Variants in STRBP observed in about 807,000 individuals in gnomAD.
STRBP encodes spermatid perinuclear RNA-binding protein.
A neutral mutation model predicts 80.1 loss-of-function variants in STRBP; 13 were observed. The observed-to-expected ratio is 0.16, with a 90% confidence interval of 0.11 to 0.26. The LOEUF (loss-of-function observed/expected upper bound fraction) is 0.26, where lower values mean the gene tolerates loss of function less well. Ranked by LOEUF, STRBP falls within the 10% of genes least tolerant of loss-of-function variation. STRBP has a pLI of 1.00. For missense variants in STRBP, 485 were observed against 815.2 expected, an observed-to-expected ratio of 0.59 and a Z score of 4.93; for synonymous variants, 284 against 291.2, an observed-to-expected ratio of 0.98 and a Z score of 0.25.
rs936251406 is a variant in STRBP at position 123,110,559 on chromosome 9, T to C, written c.*85-806A>G. 5 of 169,492 alleles carry C rather than the reference T, an allele frequency of 2.9e-5. No homozygotes were observed. The highest frequency in any genetic ancestry group is 1.2e-4 in the African/African-American group (5 of 41,492). 10.5% of individuals were successfully genotyped at this position (169,492 alleles called of 1,614,324 possible). A position where few individuals can be genotyped will look rare whatever the true frequency, so the allele number is the denominator to read the frequency against. ...TTGGGGAAAACGGGATAAACACTGC[T>C]AGGAGCTAAAAAGTATATGGTGTCT... On this transcript the variant is annotated intron_variant and NMD_transcript_variant, in intron 3 of 3. Transcript: ENST00000471564. This position sits in a 1 kb window ranked among gnomAD's most constrained non-coding sequence, Gnocchi z 4.1.
intron 1 of STRBP, among the ~76,000 whole-genome samples, chr9:123,267,873 GCCC>G (rs145177909): frequency 2.0e-5 from 2 of 101,538 alleles, no homozygotes; most frequent in African/African-American, 7.6e-5. Context: ...ACAATATAGT[GCCC>G]CCCCCCACCG....
intron 2 of STRBP, among the ~76,000 whole-genome samples, chr9:123,226,391 A>G (rs2132567152): frequency 6.6e-6 from 1 of 152,344 alleles, no homozygotes. Context: ...TGACTTTTTT[A>G]TTATTAAAAG....
chr9:123,146,499 A>G (rs1414009364), intron 13 of STRBP, among the ~76,000 whole-genome samples: 2 of 151,282 alleles, frequency 1.3e-5, no homozygotes, highest in Non-Finnish European at 2.9e-5. Flanking sequence ...AAAAAAAATC[A>G]GAAGATAAAA....
chr9:123,167,841 G>C (rs1277282553), intron 6 of STRBP, among the ~76,000 whole-genome samples: 1 of 152,028 alleles, frequency 6.6e-6, no homozygotes, highest in Non-Finnish European at 1.5e-5. Flanking sequence ...ATAGTTTCTA[G>C]CAAGAGTACA....
At chr9:123,175,342 C>T (rs1167460294) in intron 4 of STRBP, among the ~76,000 whole-genome samples, 5 of 152,152 alleles carry the variant, frequency 3.3e-5, no homozygotes, top group Non-Finnish European at 5.9e-5. Context: ...GGGAAACAGT[C>T]ATTCTAGCTA....
intron 17 of STRBP, among the ~76,000 whole-genome samples, chr9:123,132,055 C>A (rs2132310401): frequency 6.6e-6 from 1 of 152,258 alleles, no homozygotes; most frequent in Non-Finnish European, 1.5e-5. Flanking sequence ...GCTGGATAAT[C>A]TACTGTTAAA....
chr9:123,211,385 G>A (rs7875920), intron 2 of STRBP, among the ~76,000 whole-genome samples: 16,657 of 152,146 alleles, frequency 0.11, 2,966 homozygotes, highest in African/African-American at 0.37. Context: ...AACAGAAAGA[G>A]GGTGAATACA....
chr9:123,250,856 A>AC (rs1588155370), intron 1 of STRBP, among the ~76,000 whole-genome samples: 2 of 152,204 alleles, frequency 1.3e-5, no homozygotes, highest in South Asian at 4.1e-4. Context: ...AGTGGCTCAC[A>AC]CCTATAATCC....
At chr9:123,199,091 C>G (rs1033137826) in intron 2 of STRBP, among the ~76,000 whole-genome samples, 1 of 152,134 alleles carries the variant, frequency 6.6e-6, no homozygotes, top group African/African-American at 2.4e-5. Context: ...ACTACAGGCA[C>G]GTGCCACCAC....
intron 1 of STRBP, among the ~76,000 whole-genome samples, chr9:123,260,693 T>C (rs2041143090): frequency 6.6e-6 from 1 of 152,140 alleles, no homozygotes; most frequent in Non-Finnish European, 1.5e-5. Flanking sequence ...TGGATCAAAG[T>C]ATATGATGTC....
rs760319808 is a variant in STRBP, at chr9:123,157,999, C to T, written c.1045+13G>A. 2.5e-6 allele frequency: 4 copies of T among 1,600,442 alleles called. No homozygotes were observed. Among genetic ancestry groups the T allele is most frequent in the South Asian group, 2.2e-5 (2 of 90,560 alleles). Reference sequence around the variant, plus strand: ...GCCAACCCCCAACCCTAATAAAAAACTTCCATGCTCACCTTCTTTATCAGT... The same window carrying T: ...GCCAACCCCCAACCCTAATAAAAAATTTCCATGCTCACCTTCTTTATCAGT... On this transcript the variant is annotated intron_variant, in intron 11 of 18. Transcript: ENST00000348403.
intron 2 of STRBP, among the ~76,000 whole-genome samples, chr9:123,214,135 T>C (rs1049572640): frequency 7.1e-6 from 1 of 140,514 alleles, no homozygotes; most frequent in Non-Finnish European, 1.5e-5. Flanking sequence ...TGTATATATA[T>C]ATATATGTAT....
rs1317513462 is a variant in STRBP, at chr9:123,136,900, G to C, written c.1498-385C>G. ...AAGGGTTCATCATTTTTCTTCTTTA[G>C]GGTTAGGAAGAAATAACTCTCAATT... is the stretch of plus-strand genomic sequence containing the variant. On this transcript the variant is annotated intron_variant, in intron 14 of 18. Transcript: ENST00000348403. This position sits in a 1 kb window ranked among gnomAD's most constrained non-coding sequence, Gnocchi z 4.2. Among the ~76,000 whole-genome samples, 1 of 152,112 alleles carries C rather than the reference G, an allele frequency of 6.6e-6. No individual in the cohort carries two copies. Among genetic ancestry groups the C allele is most frequent in the Non-Finnish European group, 1.5e-5 (1 of 68,010 alleles).
In STRBP at chr9:123,160,232, T is replaced by C. The variant is rs2037466695; in HGVS notation, c.723+135A>G. The C allele has an allele frequency of 3.9e-6, 2 of 508,798 alleles. 1 individual carries two copies. Among genetic ancestry groups the C allele is most frequent in the South Asian group, 1.2e-4 (2 of 17,258 alleles). The allele number at this position is 508,798 out of a possible 1,614,324, so 31.5% of individuals were successfully genotyped here. On this transcript the variant is annotated intron_variant, in intron 8 of 18. Transcript: ENST00000348403. ...TTCGCTTAAAAAGATGCTTTATTTT[T>C]TTTTCATGGCAAACATACATAATGC...
At chr9:123,186,832 A>T (rs958023593) in intron 2 of STRBP, among the ~76,000 whole-genome samples, 3 of 151,876 alleles carry the variant, frequency 2.0e-5, no homozygotes, top group African/African-American at 4.8e-5. Flanking sequence ...TTTTAAAAAA[A>T]AAAAAAAAAA....
intron 1 of STRBP, among the ~76,000 whole-genome samples, chr9:123,248,547 G>C (rs2040848336): frequency 1.3e-5 from 2 of 152,038 alleles, no homozygotes; most frequent in South Asian, 4.1e-4. Flanking sequence ...TGGGATTACA[G>C]GCATGAGCCA....
intron 13 of STRBP, 72 bp from the exon 14 acceptor site, chr9:123,139,759 C>G: frequency 6.8e-7 from 1 of 1,481,130 alleles, no homozygotes; most frequent in Non-Finnish European, 9.2e-7. Context: ...ATATTGAGAA[C>G]AAAAGTTTCA....
intron 2 of STRBP, among the ~76,000 whole-genome samples, chr9:123,207,088 T>C (rs555010781): frequency 1.8e-4 from 28 of 152,150 alleles, no homozygotes; most frequent in Admixed American, 1.4e-3. Context: ...GGTGAAACTA[T>C]AAAAGAATAA....
chr9:123,131,938 C>T (rs928011865), intron 17 of STRBP, among the ~76,000 whole-genome samples: 1 of 152,168 alleles, frequency 6.6e-6, no homozygotes, highest in Non-Finnish European at 1.5e-5. Context: ...GGATAAGACC[C>T]AATCTTCATG....
Sources: gnomAD v4.1 joint callset for allele counts (sites outside exome capture counted in the v4.1 genomes callset) on GRCh38, gnomAD v4.1.1 for gene constraint, Gnocchi (gnomAD v3.1) non-coding constraint, MANE v1.5 for transcripts, NCBI Gene and HGNC (gene_info 2026-07-23, HGNC 2026-07-21) for gene names.